NEBL: variants seen among roughly 807,000 people sequenced by gnomAD.
NEBL encodes the protein nebulette, also known as LIM and SH3 protein 2.
NEBL carries 122 observed loss-of-function variants against 140.2 expected under a neutral mutation model. The ratio of observed to expected loss-of-function variants is 0.87; its 90% CI spans 0.75 to 1.01. The LOEUF (loss-of-function observed/expected upper bound fraction) is 1.01. NEBL is among the 50% of genes least tolerant of loss of function. The pLI is 0.00. For synonymous variants in NEBL, 436 were observed against 398.9 expected (o/e 1.09, Z -1.11); for missense variants, 1,365 against 1,231.3 (o/e 1.11, Z -1.62).
intron 2 of NEBL, among the ~76,000 whole-genome samples, chr10:21,041,522 A>C (rs575859595): frequency 5.3e-5 from 8 of 152,314 alleles, no homozygotes; most frequent in African/African-American, 1.7e-4. Flanking sequence ...GCTTTTACTA[A>C]AAACAAGCAA....
intron 3 of NEBL, among the ~76,000 whole-genome samples, chr10:21,208,648 G>A (rs1033035729): frequency 5.3e-5 from 8 of 152,148 alleles, no homozygotes; most frequent in Admixed American, 4.6e-4. Flanking sequence ...ATGAACCCAG[G>A]CTGCTTTCTT....
At chr10:20,945,668 A>G (rs945092543) in intron 4 of NEBL, among the ~76,000 whole-genome samples, 3 of 152,200 alleles carry the variant, frequency 2.0e-5, no homozygotes, top group African/African-American at 4.8e-5. Flanking sequence ...AATACTCACC[A>G]TGCAGATCCC....
At chr10:21,103,296 C>T (rs965131864) in intron 2 of NEBL, among the ~76,000 whole-genome samples, 5 of 151,176 alleles carry the variant, frequency 3.3e-5, no homozygotes, top group African/African-American at 9.7e-5. Flanking sequence ...CCACTGCAAG[C>T]TCCGCCTTCC....
intron 4 of NEBL, among the ~76,000 whole-genome samples, chr10:20,934,820 A>G (rs538527523): frequency 6.6e-6 from 1 of 152,364 alleles, no homozygotes; most frequent in African/African-American, 2.4e-5. Context: ...GTGCAACCAC[A>G]GCACATAAAA....
intron 3 of NEBL, among the ~76,000 whole-genome samples, chr10:21,244,783 G>A (rs1842495010): frequency 6.6e-6 from 1 of 152,086 alleles, no homozygotes; most frequent in Non-Finnish European, 1.5e-5. Context: ...GCTGAGGGCA[G>A]GAGGATCACT....
At chr10:20,820,987 C>T (rs962257561) in intron 19 of NEBL, among the ~76,000 whole-genome samples, 2 of 152,120 alleles carry the variant, frequency 1.3e-5, no homozygotes, top group Non-Finnish European at 2.9e-5. Flanking sequence ...CGATATGTAA[C>T]TTTCTGTGTG....
chr10:21,247,601 A>C lies in NEBL; in HGVS notation n.348+320T>G, dbSNP rs1011215927. ...TGGTCTGCTTCATCCTCTACTGAAA[A>C]TCTGTTCCCATTAAGCAATAATTCC... On this transcript the variant is annotated intron_variant and non_coding_transcript_variant, in intron 3 of 8. Coordinates refer to the NEBL transcript ENST00000675702. Among the ~76,000 whole-genome samples the C allele has an allele frequency of 2.6e-5, 4 of 151,988 alleles. No individual in the cohort carries two copies. In the South Asian group the frequency reaches 8.3e-4, roughly 32 times the overall value.
rs1438727786 is a variant in NEBL, at chr10:21,160,526, A to C, written c.164+11857T>G. 2.6e-5 allele frequency among the ~76,000 whole-genome samples: 4 copies of C among 152,276 alleles called. No homozygotes were observed. The East Asian group carries it at 7.7e-4, about 29-fold the overall frequency. On this transcript the variant is annotated intron_variant, in intron 2 of 6. Coordinates refer to the NEBL transcript ENST00000417816. ...ATAACCCTTAATTATCACGTGCCTTAAGCATCTAGAAATTTTTAAATAGAA... is the reference window on the plus strand; with the variant it reads ...ATAACCCTTAATTATCACGTGCCTTCAGCATCTAGAAATTTTTAAATAGAA...
At chr10:20,868,063 A>AC (rs1361229775) in intron 7 of NEBL, 83 of 151,676 alleles carry the variant, frequency 5.5e-4, no homozygotes, top group Admixed American at 1.8e-3. Context: ...AAAAAAAAAA[A>AC]AAAACGCTGT....
chr10:20,943,826 G>T (rs753969631), intron 4 of NEBL, among the ~76,000 whole-genome samples: 8 of 152,110 alleles, frequency 5.3e-5, no homozygotes, highest in Non-Finnish European at 1.2e-4. Flanking sequence ...AAGGTAAATG[G>T]CCTCAAGCAA....
At chr10:21,291,819 T>C (rs1226988450) in intron 1 of NEBL, among the ~76,000 whole-genome samples, 1 of 151,890 alleles carries the variant, frequency 6.6e-6, no homozygotes, top group Non-Finnish European at 1.5e-5. Context: ...GTCAGGAGAA[T>C]CGCCTGAACC....
chr10:21,000,138 G>A (rs1017134681), intron 3 of NEBL, among the ~76,000 whole-genome samples: 1 of 144,116 alleles, frequency 6.9e-6, no homozygotes, highest in African/African-American at 2.6e-5. Context: ...TGGCCACTAG[G>A]GCAAGGAAAA....
rs1844740327 is a variant in NEBL, at chr10:20,869,855, G to C, written c.481-14C>G. ...CCTATAAGAAATCTGATCAGAGACA[G>C]TTTTGGTTAAAAAATAAATAAATTA... is the stretch of plus-strand genomic sequence containing the variant. On this transcript the variant is annotated splice_polypyrimidine_tract_variant and intron_variant, in intron 5 of 27. Transcript: ENST00000377122. The C allele has an allele frequency of 6.6e-7, 1 of 1,523,776 alleles. No individual in the cohort carries two copies. Among genetic ancestry groups the C allele is most frequent in the Non-Finnish European group, 9.1e-7 (1 of 1,098,000 alleles). The allele number at this position is 1,523,776 out of a possible 1,614,324, so 94.4% of individuals were successfully genotyped here.
chr10:20,872,465 T>A (rs944524951), intron 5 of NEBL, among the ~76,000 whole-genome samples: 1 of 151,980 alleles, frequency 6.6e-6, no homozygotes, highest in African/African-American at 2.4e-5. Context: ...TCCAAGGGTG[T>A]CTGAATATAT....
Position 21,269,905 on chromosome 10 carries a change from C to A in NEBL, n.183-18077G>T, listed in dbSNP as rs79507889. ...GCAAATACAAAAAAGTGGTTAAGAC[C>A]CAGCTAGGAAAATGGGTCAATGTAC... On this transcript the variant is annotated intron_variant and non_coding_transcript_variant, in intron 1 of 8. Coordinates refer to the NEBL transcript ENST00000675702. Among the ~76,000 whole-genome samples, 193 of 152,174 alleles carry A rather than the reference C, an allele frequency of 1.3e-3. 1 individual carries two copies. The highest frequency in any genetic ancestry group is 4.4e-3 in the African/African-American group (181 of 41,512).
In NEBL at chr10:21,142,531, A is replaced by T. The variant is rs1398500501; in HGVS notation, c.164+29852T>A. On this transcript the variant is annotated intron_variant, in intron 2 of 6. Coordinates refer to the NEBL transcript ENST00000417816. Reference sequence around the variant, plus strand: ...GACAAAGAAGTTTTCCAACAGCGTCAGTTATGAAAAATCAAAATGAGCATC... The same window carrying T: ...GACAAAGAAGTTTTCCAACAGCGTCTGTTATGAAAAATCAAAATGAGCATC... 2.0e-5 allele frequency among the ~76,000 whole-genome samples: 3 copies of T among 152,238 alleles called. No individual in the cohort carries two copies. In the East Asian group the frequency reaches 5.8e-4, roughly 29 times the overall value.
intron 4 of NEBL, among the ~76,000 whole-genome samples, chr10:20,887,107 A>G (rs1846590001): frequency 6.6e-6 from 1 of 152,206 alleles, no homozygotes; most frequent in South Asian, 2.1e-4. Flanking sequence ...TGAACCAGAA[A>G]GAGGTGAAAC....
At chr10:20,848,392 A>C (rs1588782488) in intron 11 of NEBL, among the ~76,000 whole-genome samples, 1 of 152,212 alleles carries the variant, frequency 6.6e-6, no homozygotes, top group African/African-American at 2.4e-5. Flanking sequence ...TAATTTAATC[A>C]AAATGGTTAC....
At chr10:21,127,466 T>C (rs950373486) in intron 2 of NEBL, among the ~76,000 whole-genome samples, 1 of 151,978 alleles carries the variant, frequency 6.6e-6, no homozygotes, top group Non-Finnish European at 1.5e-5. Context: ...TTCTGACCAA[T>C]CTTAACTCAC....
Sources: gnomAD v4.1 joint callset for allele counts (sites outside exome capture counted in the v4.1 genomes callset) on GRCh38, gnomAD v4.1.1 for gene constraint, MANE v1.5 for transcripts, NCBI Gene and HGNC (gene_info 2026-07-23, HGNC 2026-07-21) for gene names.